The following ARHGAP42 variants were observed in gnomAD, a reference collection of about 807,000 sequenced individuals.
ARHGAP42 encodes Rho GTPase activating protein 42.
Under a neutral mutation model 125.0 loss-of-function variants are expected in ARHGAP42, and 63 were observed. The ratio of observed to expected loss-of-function variants is 0.50; its 90% confidence interval spans 0.41 to 0.62. The LOEUF (loss-of-function observed/expected upper bound fraction) is 0.62, where lower values mean the gene tolerates loss of function less well. Ranked by LOEUF, ARHGAP42 falls within the 20% of genes least tolerant of loss-of-function variation. ARHGAP42 has a pLI of 0.00. For synonymous variants in ARHGAP42, 339 were observed against 351.0 expected, an observed-to-expected ratio of 0.97 and a Z score of 0.38; for missense variants, 766 against 1,024.2, an observed-to-expected ratio of 0.75 and a Z score of 3.44.
At chr11:100,857,409 T>C (rs1236820400) in intron 3 of ARHGAP42, among the ~76,000 whole-genome samples, 5 of 152,136 alleles carry the variant, frequency 3.3e-5, no homozygotes, top group Non-Finnish European at 7.4e-5. Flanking sequence ...AAGGGGTAGA[T>C]GTAAACCATT....
At chr11:100,976,533 G>A (rs1858396520) in intron 20 of ARHGAP42, 96 bp downstream of exon 20, 1 of 1,417,840 alleles carries the variant, frequency 7.1e-7, no homozygotes. Flanking sequence ...GTTAATGGTG[G>A]AGAAACTAAT....
chr11:100,930,431 G>A (rs1417010937), intron 6 of ARHGAP42, among the ~76,000 whole-genome samples: 1 of 152,146 alleles, frequency 6.6e-6, no homozygotes, highest in Non-Finnish European at 1.5e-5. Context: ...TGCTTCCAAA[G>A]ATGTGGAATA....
In ARHGAP42 at chr11:100,802,038, T is replaced by G. The variant is rs73575587; in HGVS notation, c.312+6872T>G. ...ATTTGGGTTAGAAGGTGTCATTGAT[T>G]AGGTGTCTTTGTGGTCAGACTCAGA... is the stretch of plus-strand genomic sequence containing the variant. On this transcript the variant is annotated intron_variant, in intron 3 of 23. Coordinates refer to ENST00000298815, the MANE Select transcript of ARHGAP42 (RefSeq NM_152432.4). Among the ~76,000 whole-genome samples the G allele has an allele frequency of 8.7e-3, 1,328 of 152,320 alleles. 14 individuals are homozygous for G. The highest frequency in any genetic ancestry group is 0.03 in the African/African-American group (1,266 of 41,562).
chr11:100,941,055 T>C (rs1410433101), intron 8 of ARHGAP42, among the ~76,000 whole-genome samples: 1 of 152,140 alleles, frequency 6.6e-6, no homozygotes, highest in Admixed American at 6.6e-5. Flanking sequence ...GGCCATATTA[T>C]GAAAGTGACA....
intron 1 of ARHGAP42, among the ~76,000 whole-genome samples, chr11:100,748,732 G>T (rs1020689676): frequency 7.2e-5 from 11 of 152,226 alleles, no homozygotes; most frequent in African/African-American, 2.4e-4. Flanking sequence ...AAGGATTTTT[G>T]ATTAGGAAGG....
intron 23 of ARHGAP42, among the ~76,000 whole-genome samples, chr11:100,988,291 G>C (rs1858736983): frequency 6.6e-6 from 1 of 150,972 alleles, no homozygotes; most frequent in Non-Finnish European, 1.5e-5. Context: ...ACATTGTTTT[G>C]TTTGGACGTT....
rs115810559 is a variant in ARHGAP42 at position 100,809,415 on chromosome 11, A to G, written c.312+14249A>G. 3.4e-3 allele frequency among the ~76,000 whole-genome samples: 511 copies of G among 152,336 alleles called. 2 individuals carry two copies. The highest frequency in any genetic ancestry group is 0.011 in the African/African-American group (464 of 41,564). ...AGAAACAAAGGAATTATTATGAGTT[A>G]GGCAATCACTCCAACTCTTGTCTAT... On this transcript the variant is annotated intron_variant, in intron 3 of 23. Transcript: ENST00000298815.
At chr11:100,834,044 A>G (rs2135098851) in intron 3 of ARHGAP42, among the ~76,000 whole-genome samples, 1 of 152,282 alleles carries the variant, frequency 6.6e-6, no homozygotes, top group South Asian at 2.1e-4. Context: ...CAGATTAGTG[A>G]CCATATTGAT....
At chr11:100,778,187 A>G (rs1863176272) in intron 2 of ARHGAP42, among the ~76,000 whole-genome samples, 1 of 152,144 alleles carries the variant, frequency 6.6e-6, no homozygotes, top group Non-Finnish European at 1.5e-5. Context: ...GAAAAAAAAA[A>G]AAGAAACGGT....
intron 1 of ARHGAP42, among the ~76,000 whole-genome samples, chr11:100,693,964 G>A (rs182866129): frequency 3.1e-4 from 47 of 150,820 alleles, no homozygotes; most frequent in Admixed American, 1.4e-3. Context: ...ATGGAGTCTC[G>A]CTCTGTTGCC....
intron 1 of ARHGAP42, among the ~76,000 whole-genome samples, chr11:100,717,649 A>AAT (rs1555109715): frequency 3.3e-5 from 5 of 150,378 alleles, no homozygotes; most frequent in African/African-American, 9.8e-5. Context: ...AAAAAAAAAA[A>AAT]AAAAAAAAGA....
intron 12 of ARHGAP42, among the ~76,000 whole-genome samples, chr11:100,956,531 C>T (rs932434826): frequency 2.0e-4 from 30 of 152,130 alleles, no homozygotes; most frequent in Non-Finnish European, 8.8e-5. Context: ...ACACATGTCA[C>T]TTCTGTTCAT....
At chr11:100,863,855 T>A (rs940764831) in intron 4 of ARHGAP42, among the ~76,000 whole-genome samples, 2 of 152,198 alleles carry the variant, frequency 1.3e-5, no homozygotes, top group Non-Finnish European at 2.9e-5. Flanking sequence ...AGAATACTAG[T>A]GGAAAGCAGG....
chr11:100,721,763 C>T (rs900821176), intron 1 of ARHGAP42, among the ~76,000 whole-genome samples: 5 of 152,158 alleles, frequency 3.3e-5, no homozygotes, highest in Admixed American at 6.5e-5. Context: ...CATGAGCCAC[C>T]ATGCCTGGCC....
intron 3 of ARHGAP42, among the ~76,000 whole-genome samples, chr11:100,799,768 G>A (rs560435624): frequency 6.6e-6 from 1 of 152,250 alleles, no homozygotes; most frequent in East Asian, 1.9e-4. Flanking sequence ...GTTTTTGGGA[G>A]GAAAGAGATC....
chr11:100,957,203 T>C (rs1443925287), intron 12 of ARHGAP42, among the ~76,000 whole-genome samples: 2 of 151,976 alleles, frequency 1.3e-5, no homozygotes, highest in African/African-American at 4.8e-5. Context: ...AGTGGAAGAG[T>C]AACTACTGCC....
intron 4 of ARHGAP42, among the ~76,000 whole-genome samples, chr11:100,881,082 T>C (rs1019609696): frequency 1.3e-5 from 2 of 152,210 alleles, no homozygotes; most frequent in African/African-American, 4.8e-5. Context: ...GAAAAGCTCT[T>C]TAGTTTAATT....
chr11:100,953,941 A>G (rs1331639126), intron 12 of ARHGAP42, among the ~76,000 whole-genome samples: 1 of 152,246 alleles, frequency 6.6e-6, no homozygotes, highest in Non-Finnish European at 1.5e-5. Flanking sequence ...CACTGGGGAC[A>G]TTTGGTAAAA....
chr11:100,724,299 A>G (rs925286916), intron 1 of ARHGAP42, among the ~76,000 whole-genome samples: 4 of 151,938 alleles, frequency 2.6e-5, no homozygotes, highest in African/African-American at 2.4e-5. Flanking sequence ...TCATGTCTTT[A>G]TCTGGTTTCG....
Sources: allele counts gnomAD v4.1 joint callset (sites outside exome capture counted in the v4.1 genomes callset), GRCh38; gene constraint gnomAD v4.1.1; transcripts MANE v1.5; gene names NCBI Gene and HGNC (gene_info 2026-07-23, HGNC 2026-07-21).